NUP107: variants seen among roughly 807,000 people sequenced by gnomAD.
NUP107 encodes nuclear pore complex protein Nup107.
NUP107 carries 101 observed loss-of-function variants against 141.0 expected under a neutral mutation model. The observed-to-expected ratio is 0.72, with a 90% CI of 0.61 to 0.84. The LOEUF (loss-of-function observed/expected upper bound fraction) is 0.84. Ranked by LOEUF, NUP107 falls within the 40% of genes least tolerant of loss-of-function variation. The pLI, the probability that NUP107 is intolerant of heterozygous loss-of-function variation, is 0.00. For missense variants in NUP107, 941 were observed against 1,102.7 expected, an observed-to-expected ratio of 0.85 and a Z score of 2.08; for synonymous variants, 319 against 363.9, an observed-to-expected ratio of 0.88 and a Z score of 1.41.
At chr12:68,719,798 A>G in intron 14 of NUP107, 144 bp downstream of exon 14, 1 of 644,064 alleles carries the variant, frequency 1.6e-6, no homozygotes, top group Non-Finnish European at 2.8e-6. Flanking sequence ...TTAACTACTT[A>G]TCAGAATTAT....
At chr12:68,742,301 C>G (rs1358009980) in intron 27 of NUP107, 54 bp from the exon 28 acceptor site, 1 of 1,160,586 alleles carries the variant, frequency 8.6e-7, no homozygotes, top group Non-Finnish European at 1.3e-6. Flanking sequence ...TAACTAAGTT[C>G]ATACTTGTCT....
chr12:68,689,745 A>G, intron 3 of NUP107, 126 bp downstream of exon 3: 2 of 659,822 alleles, frequency 3.0e-6, no homozygotes, highest in South Asian at 3.9e-5. Flanking sequence ...TAATGATTGC[A>G]GTTATTATTC....
At chr12:68,696,681 C>T in intron 5 of NUP107, 138 bp from the exon 6 acceptor site, 1 of 537,646 alleles carries the variant, frequency 1.9e-6, no homozygotes, top group Non-Finnish European at 3.3e-6. Context: ...CCATTGCACT[C>T]CACCCTGGAC....
chr12:68,724,958 G>T (rs1219554212), intron 17 of NUP107, among the ~76,000 whole-genome samples: 1 of 152,106 alleles, frequency 6.6e-6, no homozygotes, highest in African/African-American at 2.4e-5. Context: ...GTATATATGA[G>T]AACTTAACAG....
chr12:68,715,714 C>G lies in NUP107; in HGVS notation c.1057C>G (p.Leu353Val), dbSNP rs145684749. The G allele has an allele frequency of 3.7e-5, 59 of 1,608,438 alleles. No individual in the cohort carries two copies. The African/African-American group carries it at 6.0e-4, about 16-fold the overall frequency. The change falls in exon 12 of 28, where the codon CTA (leucine) becomes GTA (valine). Residue 353 changes from leucine to valine, a missense_variant. By Grantham distance (32) the Leu-to-Val change is conservative. Coordinates refer to ENST00000229179, the MANE Select transcript of NUP107 (RefSeq NM_020401.4). Reference sequence around the variant, plus strand: ...TAGATTACTCAAATATCTCTTTACTCTAATCCGTGCTGGAATGACAGAAGA... The same window carrying G: ...TAGATTACTCAAATATCTCTTTACTGTAATCCGTGCTGGAATGACAGAAGA... ...EVRLLKYLFT[L>V]IRAGMTEEAQ...
At position 68,713,818 on chromosome 12, in the gene NUP107, CT is replaced by C; in HGVS notation, c.969+13del. On this transcript the variant is annotated intron_variant, in intron 11 of 27. Coordinates refer to ENST00000229179, the MANE Select transcript of NUP107 (RefSeq NM_020401.4). ...GCTTGTCACTGAATTGGTAAATGTTCTTTGAAATGAAAGTTGCCTTCAAAGT... is the reference window on the plus strand; with the variant it reads ...GCTTGTCACTGAATTGGTAAATGTTCTTGAAATGAAAGTTGCCTTCAAAGT... 1.9e-6 allele frequency: 3 copies of C among 1,585,842 alleles called. No homozygotes were observed. The highest frequency in any genetic ancestry group is 2.6e-6 in the Non-Finnish European group (3 of 1,169,430).
At position 68,742,508 on chromosome 12, in the gene NUP107, TAATAA is replaced by T; in HGVS notation, c.*51_*55del. ...TAATTTTCATGATAAATGAAGTTTT[TAATAA>T]AATATACTTGTTATTAGTAATTTTT... On this transcript the variant is annotated 3_prime_UTR_variant, in exon 28 of 28. Transcript: ENST00000229179. The T allele has an allele frequency of 9.8e-7, 1 of 1,017,432 alleles. No individual in the cohort carries two copies. The highest frequency in any genetic ancestry group is 1.5e-6 in the Non-Finnish European group (1 of 682,096). 63.0% of individuals were successfully genotyped at this position (1,017,432 alleles called of 1,614,324 possible).
chr12:68,695,814 A>T (rs374489275), intron 5 of NUP107, among the ~76,000 whole-genome samples: 15 of 152,230 alleles, frequency 9.9e-5, no homozygotes, highest in African/African-American at 3.6e-4. Flanking sequence ...ATGCTGAGAC[A>T]GGAGTTAGCA....
In NUP107 at chr12:68,719,661, TA is replaced by T; in HGVS notation, c.1251+10del. The stretch of plus-strand genomic sequence containing the variant: ...CTGGAGAATGGCAGAAGATGTAAGA[TA>T]AATAAAATATTCAGTGATACTGTTT... On this transcript the variant is annotated splice_region_variant and intron_variant, in intron 14 of 27. Transcript: ENST00000229179. The T allele has an allele frequency of 6.3e-7, 1 of 1,578,790 alleles. No homozygotes were observed. The highest frequency in any genetic ancestry group is 8.7e-7 in the Non-Finnish European group (1 of 1,148,180).
Position 68,691,942 on chromosome 12 carries a change from T to C in NUP107, c.304-26T>C, listed in dbSNP as rs767188793. 1.9e-6 allele frequency: 3 copies of C among 1,567,918 alleles called. No individual in the cohort carries two copies. In the South Asian group the frequency reaches 3.6e-5, roughly 19 times the overall value. On this transcript the variant is annotated intron_variant, in intron 4 of 27. Transcript: ENST00000229179. The stretch of plus-strand genomic sequence containing the variant: ...ACAATAACTCCATCACTTTTCTGTA[T>C]TTTTACTTTTTTGTTTTTTTTTAAG...
At position 68,727,342 on chromosome 12, in the gene NUP107, C is replaced by T. The variant is rs772946437; in HGVS notation, c.1696-9C>T. 2 of 1,432,170 alleles carry T rather than the reference C, an allele frequency of 1.4e-6. No individual in the cohort carries two copies. The highest frequency in any genetic ancestry group is 2.3e-5 in the East Asian group (1 of 43,342). 88.7% of individuals were successfully genotyped at this position (1,432,170 alleles called of 1,614,324 possible). ...TGTATTTATAATTATGTCTTTTTTT[C>T]CTATGAAGGAGGAAGTTTCTATTGA... On this transcript the variant is annotated splice_polypyrimidine_tract_variant and intron_variant, in intron 19 of 27. Coordinates refer to ENST00000229179, the MANE Select transcript of NUP107 (RefSeq NM_020401.4).
chr12:68,732,503 A>G (rs2136045439), intron 22 of NUP107, 134 bp from the exon 23 acceptor site: 1 of 504,762 alleles, frequency 2.0e-6, no homozygotes, highest in Non-Finnish European at 3.5e-6. Context: ...AGATGCTTTC[A>G]TAATTTTGTA....
At chr12:68,705,531 TTA>T in intron 8 of NUP107, 2 of 283,860 alleles carry the variant, frequency 7.0e-6, no homozygotes, top group South Asian at 3.3e-5. Context: ...AAAGTATTCT[TTA>T]AAAAAAAAAA....
intron 25 of NUP107, 28 bp from the exon 26 acceptor site, chr12:68,735,180 TTATTTATTGGGTTTTATCCATTA>T (rs1878015155): frequency 1.7e-6 from 2 of 1,175,852 alleles, no homozygotes; most frequent in Non-Finnish European, 2.6e-6. Context: ...TCCAAATACA[TTATTTATTGGGTTTTATCCATTA>T]TATGTCTGCC....
At chr12:68,692,201 G>GT in intron 5 of NUP107, 89 bp downstream of exon 5, 1 of 1,282,972 alleles carries the variant, frequency 7.8e-7, no homozygotes, top group Non-Finnish European at 1.1e-6. Context: ...ACGTCATTAT[G>GT]TTTTTCTTTT....
chr12:68,731,633 A>G lies in NUP107; in HGVS notation c.1912A>G (p.Thr638Ala). The part of the protein sequence containing the change: ...ADLDVATITK[T>A]VVENIRKKDN... ...TTTGGATGTTGCAACAATAACAAAA[A>G]CTGTAGTTGAGAATATTCGAAAGAA... is the stretch of plus-strand genomic sequence containing the variant. The change falls in exon 22 of 28, where the codon ACT (threonine) becomes GCT (alanine). Residue 638 changes from threonine (T) to alanine (A), a missense_variant. Coordinates refer to ENST00000229179, the MANE Select transcript of NUP107 (RefSeq NM_020401.4). 4 of 1,571,902 alleles carry G rather than the reference A, an allele frequency of 2.5e-6. No homozygotes were observed. Among genetic ancestry groups the G allele is most frequent in the Non-Finnish European group, 2.6e-6 (3 of 1,167,828 alleles).
intron 8 of NUP107, among the ~76,000 whole-genome samples, chr12:68,707,513 C>T (rs1016220256): frequency 5.3e-5 from 8 of 152,142 alleles, no homozygotes; most frequent in African/African-American, 1.7e-4. Context: ...ATGGGAGGAT[C>T]GCTTGTGCCC....
chr12:68,736,717 C>CTTTTTTTTTTTTTTTTTTTT (rs10713889), intron 26 of NUP107, among the ~76,000 whole-genome samples: 11 of 105,882 alleles, frequency 1.0e-4, no homozygotes, highest in African/African-American at 3.7e-4. Context: ...GTGTCGCCAC[C>CTTTTTTTTTTTTTTTTTTTT]TTTTTTTTTT....
intron 27 of NUP107, 122 bp downstream of exon 27, chr12:68,742,102 C>T: frequency 1.2e-6 from 1 of 849,366 alleles, no homozygotes; most frequent in South Asian, 2.1e-5. Flanking sequence ...AGTAATAGTC[C>T]AGTTTTAATG....
Sources: gnomAD v4.1 joint callset for allele counts (sites outside exome capture counted in the v4.1 genomes callset) on GRCh38, gnomAD v4.1.1 for gene constraint, MANE v1.5 for transcripts, NCBI Gene and HGNC (gene_info 2026-07-23, HGNC 2026-07-21) for gene names.